CRACDL: variants seen among roughly 807,000 people sequenced by gnomAD.
The protein encoded by CRACDL is CRACD like.
Under a neutral mutation model 70.6 loss-of-function variants are expected in CRACDL, and 26 were observed. That is an observed-to-expected ratio of 0.37 (90% CI 0.27 to 0.51). The LOEUF is 0.51. Among genes scored for constraint, CRACDL ranks in the 20% least tolerant of loss-of-function variants. The pLI is 0.94. For synonymous variants in CRACDL, 618 were observed against 615.2 expected, an observed-to-expected ratio of 1.00 and a Z score of -0.07; for missense variants, 1,283 against 1,376.9, an observed-to-expected ratio of 0.93 and a Z score of 1.08.
chr2:98,899,952 T>G (rs1287964592), intron 1 of CRACDL, among the ~76,000 whole-genome samples: 6 of 91,244 alleles, frequency 6.6e-5, no homozygotes, highest in Admixed American at 2.5e-4. Flanking sequence ...GGGAGGCAGA[T>G]GGACAGAGGC....
intron 7 of CRACDL, among the ~76,000 whole-genome samples, chr2:98,813,907 C>T (rs889479041): frequency 6.6e-6 from 1 of 152,150 alleles, no homozygotes; most frequent in African/African-American, 2.4e-5. Context: ...ACCATTCATG[C>T]TATTTTTTAA....
At position 98,889,319 on chromosome 2, in the gene CRACDL, G is replaced by GAAAGAA. The variant is rs1210284837; in HGVS notation, c.-10-42515_-10-42510dup. 5.3e-4 allele frequency among the ~76,000 whole-genome samples: 44 copies of GAAAGAA among 83,300 alleles called. 1 individual carries two copies. The allele number at this position is 83,300 out of a possible 152,430, so 54.6% of individuals were successfully genotyped here. Reference sequence around the variant, plus strand: ...AGAAAGAAAGAAAGAAAGAAAGAAAGAAAGAAAGAAAGAAAGAAAGAAAGG... The same window carrying GAAAGAA: ...AGAAAGAAAGAAAGAAAGAAAGAAAGAAAGAAAAAGAAAGAAAGAAAGAAAGAAAGG... On this transcript the variant is annotated intron_variant, in intron 1 of 9. Transcript: ENST00000397899.
chr2:98,834,213 G>A (rs1469234861), intron 3 of CRACDL, among the ~76,000 whole-genome samples: 1 of 152,238 alleles, frequency 6.6e-6, no homozygotes, highest in African/African-American at 2.4e-5. Context: ...TGGATGTAAT[G>A]AGGAGTGGAG....
At chr2:98,803,447 A>G (rs1704165376) in intron 7 of CRACDL, among the ~76,000 whole-genome samples, 1 of 152,216 alleles carries the variant, frequency 6.6e-6, no homozygotes, top group South Asian at 2.1e-4. Flanking sequence ...CTGATGCAGC[A>G]ATTTTTAAGA....
Position 98,822,017 on chromosome 2 carries a change from G to C in CRACDL, c.2256C>G (p.Pro752=). Residue 752 remains proline (P), a synonymous_variant, in exon 7 of 10, where the codon CCC becomes CCG. Coordinates refer to ENST00000397899, the MANE Select transcript of CRACDL (RefSeq NM_207362.3). This position sits in a 1 kb window ranked among gnomAD's most constrained non-coding sequence, Gnocchi z 4.9. The part of the protein sequence containing the change: ...PSDQGKGKAR[P]PEPLSSKPPL... The stretch of plus-strand genomic sequence containing the variant: ...GCGGCTTGGAGCTGAGCGGCTCGGG[G>C]GGCCGGGCCTTCCCCTTTCCTTGGT... 6.5e-7 allele frequency: 1 copy of C among 1,539,866 alleles called. No individual in the cohort carries two copies. Among genetic ancestry groups the C allele is most frequent in the South Asian group, 1.2e-5 (1 of 83,152 alleles).
At chr2:98,933,072 G>A (rs766200690) in intron 1 of CRACDL, among the ~76,000 whole-genome samples, 6 of 152,190 alleles carry the variant, frequency 3.9e-5, no homozygotes, top group Non-Finnish European at 5.9e-5. Flanking sequence ...CAACCTGGGC[G>A]GGCTCCCAGG....
intron 1 of CRACDL, among the ~76,000 whole-genome samples, chr2:98,865,632 C>T (rs1260347695): frequency 6.6e-6 from 1 of 151,990 alleles, no homozygotes; most frequent in African/African-American, 2.4e-5. Context: ...TTGCAGAGTT[C>T]CTGTGAGAAA....
At chr2:98,913,551 T>A (rs1708594877) in intron 1 of CRACDL, among the ~76,000 whole-genome samples, 1 of 152,066 alleles carries the variant, frequency 6.6e-6, no homozygotes, top group Non-Finnish European at 1.5e-5. Context: ...CCCACGGGGC[T>A]GGCTGGGAGG....
In CRACDL at chr2:98,904,196, C is replaced by T. The variant is rs141999092; in HGVS notation, c.-11+31742G>A. On this transcript the variant is annotated intron_variant, in intron 1 of 9. Coordinates refer to ENST00000397899, the MANE Select transcript of CRACDL (RefSeq NM_207362.3). ...GTGATCGAGGGGCCCACTTTCCACG[C>T]ACCCTCCACTGAGCTATTGCAATCC... 1.2e-4 allele frequency among the ~76,000 whole-genome samples: 19 copies of T among 152,334 alleles called. No individual in the cohort carries two copies. The East Asian group carries it at 3.5e-3, about 28-fold the overall frequency.
intron 1 of CRACDL, among the ~76,000 whole-genome samples, chr2:98,869,807 G>T (rs1707280466): frequency 6.6e-6 from 1 of 152,126 alleles, no homozygotes; most frequent in Non-Finnish European, 1.5e-5. Context: ...TTCCTTAAAG[G>T]CCCATCGTGT....
chr2:98,932,418 T>G (rs1573217894), intron 1 of CRACDL, among the ~76,000 whole-genome samples: 1 of 152,230 alleles, frequency 6.6e-6, no homozygotes, highest in Non-Finnish European at 1.5e-5. Context: ...GGCTTGCAGG[T>G]ACAGGCTTGA....
intron 1 of CRACDL, among the ~76,000 whole-genome samples, chr2:98,911,965 T>C (rs1363601721): frequency 1.3e-5 from 2 of 152,214 alleles, no homozygotes; most frequent in Non-Finnish European, 2.9e-5. Flanking sequence ...ACGCTTGTGA[T>C]TAAATATTTT....
At chr2:98,869,397 T>C (rs1002564646) in intron 1 of CRACDL, 88 of 668,182 alleles carry the variant, frequency 1.3e-4, no homozygotes, top group Non-Finnish European at 1.5e-4. Flanking sequence ...CACTTCCGCC[T>C]TCCACTCCAA....
intron 2 of CRACDL, among the ~76,000 whole-genome samples, chr2:98,842,801 T>A (rs956373666): frequency 1.3e-5 from 2 of 152,154 alleles, no homozygotes; most frequent in African/African-American, 4.8e-5. Context: ...TGTTGAACCA[T>A]TTCAACCTGC....
intron 1 of CRACDL, among the ~76,000 whole-genome samples, chr2:98,848,785 G>A (rs567572271): frequency 5.8e-4 from 88 of 152,202 alleles, no homozygotes; most frequent in Non-Finnish European, 1.0e-3. Flanking sequence ...ACGGGGTTTC[G>A]CCATGTTGGC....
In CRACDL at chr2:98,917,856, T is replaced by G. The variant is rs932168376; in HGVS notation, c.-11+18082A>C. ...TGTATACGCATTATTTCGCTCTCAT[T>G]TATAAGTGAGAACATGGGGTATTTT... is the stretch of plus-strand genomic sequence containing the variant. On this transcript the variant is annotated intron_variant, in intron 1 of 9. Coordinates refer to ENST00000397899, the MANE Select transcript of CRACDL (RefSeq NM_207362.3). 7.2e-5 allele frequency among the ~76,000 whole-genome samples: 11 copies of G among 152,214 alleles called. No homozygotes were observed. The South Asian group carries it at 1.9e-3, about 26-fold the overall frequency.
intron 7 of CRACDL, among the ~76,000 whole-genome samples, chr2:98,806,127 T>A (rs1049478929): frequency 1.3e-5 from 2 of 152,216 alleles, no homozygotes; most frequent in African/African-American, 4.8e-5. Flanking sequence ...TCAGTCCTTG[T>A]CCCAGGGCAG....
chr2:98,814,792 T>C, intron 7 of CRACDL, among the ~76,000 whole-genome samples: 1 of 152,164 alleles, frequency 6.6e-6, no homozygotes, highest in East Asian at 1.9e-4. Flanking sequence ...TACATCTTAC[T>C]ATGGATTTAT....
At chr2:98,863,121 G>A (rs1487739067) in intron 1 of CRACDL, among the ~76,000 whole-genome samples, 2 of 152,092 alleles carry the variant, frequency 1.3e-5, no homozygotes, top group African/African-American at 4.8e-5. Flanking sequence ...ACTGTTGAAA[G>A]CCAAAGACAG....
Sources: gnomAD v4.1 joint callset for allele counts (sites outside exome capture counted in the v4.1 genomes callset) on GRCh38, gnomAD v4.1.1 for gene constraint, Gnocchi (gnomAD v3.1) non-coding constraint, MANE v1.5 for transcripts, NCBI Gene and HGNC (gene_info 2026-07-23, HGNC 2026-07-21) for gene names.